The following NIBAN1 variants were observed in gnomAD, a reference collection of about 807,000 sequenced individuals.
The protein encoded by NIBAN1 is protein Niban 1.
In NIBAN1, 81 loss-of-function variants were observed where a neutral mutation model predicts 75.1. The observed-to-expected ratio is 1.08, with a 90% confidence interval of 0.90 to 1.30. The LOEUF is 1.30. Among genes scored for constraint, NIBAN1 ranks in the 50% most tolerant of loss-of-function variants. The pLI is 0.00. For synonymous variants in NIBAN1, 436 were observed against 424.8 expected (o/e 1.03, Z -0.32); for missense variants, 1,133 against 1,128.1 (o/e 1.00, Z -0.06).
At chr1:184,871,017 C>T (rs1439778638) in intron 5 of NIBAN1, among the ~76,000 whole-genome samples, 1 of 152,050 alleles carries the variant, frequency 6.6e-6, no homozygotes, top group Non-Finnish European at 1.5e-5. Flanking sequence ...ATAGGATAAG[C>T]CCCCAATCCA....
chr1:184,892,723 A>C (rs1013357390), intron 3 of NIBAN1, among the ~76,000 whole-genome samples: 1 of 152,186 alleles, frequency 6.6e-6, no homozygotes, highest in African/African-American at 2.4e-5. Flanking sequence ...GCCTCTTCCT[A>C]GCATCAGGTG....
At position 184,792,234 on chromosome 1, in the gene NIBAN1, T is replaced by A. The variant is rs1653717547; in HGVS notation, c.*2743A>T. The A allele has an allele frequency of 6.6e-6, 1 of 152,170 alleles. No homozygotes were observed. The highest frequency in any genetic ancestry group is 1.5e-5 in the Non-Finnish European group (1 of 68,046). 9.4% of individuals were successfully genotyped at this position (152,170 alleles called of 1,614,324 possible). A position where few individuals can be genotyped will look rare whatever the true frequency, so the allele number is the denominator to read the frequency against. On this transcript the variant is annotated 3_prime_UTR_variant, in exon 14 of 14. Transcript: ENST00000367511. ...GGGATTATAGGTGTAAGCTACCACA[T>A]CCAGCCCAAAAACTTGTCTTTAGTG...
chr1:184,931,145 A>G (rs1278711808), intron 1 of NIBAN1, among the ~76,000 whole-genome samples: 1 of 151,612 alleles, frequency 6.6e-6, no homozygotes, highest in African/African-American at 2.4e-5. Flanking sequence ...GATTACTGGC[A>G]CCCACTACCC....
intron 1 of NIBAN1, among the ~76,000 whole-genome samples, chr1:184,913,734 C>G (rs1243360024): frequency 6.6e-6 from 1 of 152,128 alleles, no homozygotes; most frequent in Non-Finnish European, 1.5e-5. Flanking sequence ...AAATTTGAAA[C>G]ACTGTGAGTA....
intron 1 of NIBAN1, among the ~76,000 whole-genome samples, chr1:184,938,639 A>G (rs981098241): frequency 1.3e-5 from 2 of 152,206 alleles, no homozygotes; most frequent in African/African-American, 4.8e-5. Flanking sequence ...TGAAGCCACT[A>G]AAAATTTATT....
chr1:184,946,784 C>T (rs1360152375), intron 1 of NIBAN1, among the ~76,000 whole-genome samples: 2 of 152,174 alleles, frequency 1.3e-5, no homozygotes, highest in East Asian at 3.9e-4. Context: ...GAAGAAAAAG[C>T]TGCCTTAAAA....
At chr1:184,881,134 A>G (rs1410432593) in intron 5 of NIBAN1, among the ~76,000 whole-genome samples, 1 of 151,808 alleles carries the variant, frequency 6.6e-6, no homozygotes, top group Non-Finnish European at 1.5e-5. Flanking sequence ...CACAACCTTT[A>G]TTCTCCTTAG....
intron 9 of NIBAN1, among the ~76,000 whole-genome samples, chr1:184,813,485 A>C (rs923449146): frequency 6.6e-5 from 10 of 152,340 alleles, no homozygotes; most frequent in Admixed American, 3.3e-4. Context: ...TGGAGACATT[A>C]AATTCTAAAT....
chr1:184,903,785 GGA>G (rs1657015868), intron 1 of NIBAN1, among the ~76,000 whole-genome samples: 1 of 127,064 alleles, frequency 7.9e-6, no homozygotes, highest in Non-Finnish European at 1.6e-5. Context: ...ACCCAGGCTT[GGA>G]GTGCAGTGCT....
At chr1:184,867,976 G>C (rs1388593103) in intron 5 of NIBAN1, 3 of 985,238 alleles carry the variant, frequency 3.0e-6, no homozygotes, top group Non-Finnish European at 3.6e-6. Flanking sequence ...AGGTGGGGAA[G>C]GAAAAAACAA....
At chr1:184,881,721 C>T (rs892841888) in intron 5 of NIBAN1, among the ~76,000 whole-genome samples, 1 of 152,056 alleles carries the variant, frequency 6.6e-6, no homozygotes, top group African/African-American at 2.4e-5. Flanking sequence ...CCTTTTTAGA[C>T]CATGTAGGGT....
rs1311538636 is a variant in NIBAN1 at position 184,803,672 on chromosome 1, G to A, written c.1467C>T (p.Ser489=). 1.9e-6 allele frequency: 3 copies of A among 1,614,092 alleles called. No homozygotes were observed. The highest frequency in any genetic ancestry group is 2.5e-6 in the Non-Finnish European group (3 of 1,179,930). The stretch of plus-strand genomic sequence containing the variant: ...CTTGAAATATCTTCTTTCGGATGGT[G>A]CTGCTGTCATAATCATATTGCTGTC... ...RVLKQYDYDS[S]TIRKKIFQEA... Residue 489 remains serine, a synonymous_variant, in exon 12 of 14, where the codon AGC becomes AGT. Transcript: ENST00000367511.
At chr1:184,966,876 C>A (rs1218645213) in intron 1 of NIBAN1, among the ~76,000 whole-genome samples, 2 of 152,166 alleles carry the variant, frequency 1.3e-5, no homozygotes, top group Non-Finnish European at 2.9e-5. Flanking sequence ...CACTTTGGGG[C>A]TCCTAGTAAA....
chr1:184,840,901 G>A (rs1206019657), intron 5 of NIBAN1, among the ~76,000 whole-genome samples: 1 of 151,742 alleles, frequency 6.6e-6, no homozygotes, highest in Non-Finnish European at 1.5e-5. Flanking sequence ...CATCCTGGAG[G>A]GAAATCTCCA....
At chr1:184,887,848 G>A (rs1443303275) in intron 4 of NIBAN1, 2 of 152,098 alleles carry the variant, frequency 1.3e-5, no homozygotes, top group African/African-American at 4.8e-5. Flanking sequence ...ATTTTTTTCT[G>A]TATCAACTTA....
intron 3 of NIBAN1, among the ~76,000 whole-genome samples, chr1:184,892,781 A>AT (rs1000739836): frequency 1.3e-5 from 2 of 151,210 alleles, no homozygotes; most frequent in African/African-American, 2.4e-5. Context: ...CTCTTTTTTT[A>AT]TTTTTTTTGA....
chr1:184,935,499 C>A (rs1018178302), intron 1 of NIBAN1, among the ~76,000 whole-genome samples: 6 of 152,108 alleles, frequency 3.9e-5, no homozygotes, highest in East Asian at 3.9e-4. Context: ...TAGAGTGAGA[C>A]CCTGTCTTAA....
intron 1 of NIBAN1, among the ~76,000 whole-genome samples, chr1:184,965,414 A>G (rs901505559): frequency 2.6e-5 from 4 of 152,154 alleles, no homozygotes; most frequent in Non-Finnish European, 4.4e-5. Flanking sequence ...TTCTTTATTG[A>G]TGGGCATTTA....
intron 1 of NIBAN1, among the ~76,000 whole-genome samples, chr1:184,936,711 G>C (rs573609672): frequency 6.6e-6 from 1 of 152,096 alleles, no homozygotes; most frequent in East Asian, 1.9e-4. Flanking sequence ...GTGTGTGTGC[G>C]TGTGTGTGTG....
Sources: allele counts gnomAD v4.1 joint callset (sites outside exome capture counted in the v4.1 genomes callset), GRCh38; gene constraint gnomAD v4.1.1; transcripts MANE v1.5; gene names NCBI Gene and HGNC (gene_info 2026-07-23, HGNC 2026-07-21).